Variants in WWOX observed in about 807,000 individuals in gnomAD.
WWOX encodes WW domain-containing oxidoreductase.
In WWOX, 69 loss-of-function variants were observed where a neutral mutation model predicts 46.2. The observed-to-expected ratio is 1.49, with a 90% CI of 1.23 to 1.82. The LOEUF is 1.82. Ranked by LOEUF, WWOX falls within the 40% of genes most tolerant of loss-of-function variation. The probability of loss-of-function intolerance (pLI) is 0.00; values close to 1 mark genes in which losing one functional copy is unlikely to be tolerated. For synonymous variants in WWOX, 359 were observed against 202.6 expected, an observed-to-expected ratio of 1.77 and a Z score of -6.56; for missense variants, 919 against 542.6, an observed-to-expected ratio of 1.69 and a Z score of -6.89.
chr16:79,027,279 C>CAAA (rs57848394), intron 8 of WWOX, among the ~76,000 whole-genome samples: 4,581 of 125,316 alleles, frequency 0.037, 120 homozygotes, highest in Middle Eastern at 0.078. Flanking sequence ...GACTCCATCT[C>CAAA]AAAAAAAAAA....
intron 8 of WWOX, among the ~76,000 whole-genome samples, chr16:78,839,283 G>C (rs2052074377): frequency 6.6e-6 from 1 of 151,830 alleles, no homozygotes; most frequent in African/African-American, 2.4e-5. Flanking sequence ...TCTCTCTTCT[G>C]TTCCTAGATA....
intron 8 of WWOX, among the ~76,000 whole-genome samples, chr16:79,142,769 GT>G (rs1400308144): frequency 1.3e-5 from 2 of 152,176 alleles, no homozygotes; most frequent in Non-Finnish European, 2.9e-5. Context: ...CACCATTATG[GT>G]TTACTGCAGC....
At chr16:78,201,471 A>C (rs2036227544) in intron 5 of WWOX, among the ~76,000 whole-genome samples, 1 of 152,196 alleles carries the variant, frequency 6.6e-6, no homozygotes, top group African/African-American at 2.4e-5. Context: ...GGCAAAACCA[A>C]ATAAATGAGT....
At chr16:78,470,553 A>G (rs548231062) in intron 8 of WWOX, among the ~76,000 whole-genome samples, 2 of 152,230 alleles carry the variant, frequency 1.3e-5, no homozygotes, top group East Asian at 1.9e-4. Context: ...TGTTTGAGAC[A>G]GAATCTTGCT....
intron 8 of WWOX, among the ~76,000 whole-genome samples, chr16:78,696,965 C>T (rs2048113428): frequency 1.3e-5 from 2 of 151,994 alleles, no homozygotes; most frequent in Admixed American, 1.3e-4. Context: ...GTCTCCAGTC[C>T]CATCCAGGTT....
intron 5 of WWOX, among the ~76,000 whole-genome samples, chr16:78,276,574 A>T (rs2079582970): frequency 6.6e-6 from 1 of 152,356 alleles, no homozygotes; most frequent in East Asian, 1.9e-4. Context: ...TAGGTTGGTT[A>T]TGAATTATGA....
intron 5 of WWOX, among the ~76,000 whole-genome samples, chr16:78,355,188 C>G (rs1448196334): frequency 6.6e-6 from 1 of 152,022 alleles, no homozygotes; most frequent in Non-Finnish European, 1.5e-5. Context: ...GCCAGTCACT[C>G]TATAGTAACT....
intron 8 of WWOX, among the ~76,000 whole-genome samples, chr16:79,181,119 A>G (rs1405284794): frequency 6.6e-6 from 1 of 152,220 alleles, no homozygotes; most frequent in Non-Finnish European, 1.5e-5. Flanking sequence ...CTAAGTGGCA[A>G]TTTTGGACCT....
At chr16:78,765,664 G>T (rs773183474) in intron 8 of WWOX, among the ~76,000 whole-genome samples, 1 of 152,090 alleles carries the variant, frequency 6.6e-6, no homozygotes, top group Non-Finnish European at 1.5e-5. Flanking sequence ...GGGAAACAGA[G>T]TGAGACTCTG....
intron 8 of WWOX, among the ~76,000 whole-genome samples, chr16:79,200,885 G>C (rs896149012): frequency 5.1e-4 from 77 of 152,254 alleles, no homozygotes; most frequent in African/African-American, 1.8e-3. Flanking sequence ...GGAGGTGCAG[G>C]CTTCATCTAT....
intron 6 of WWOX, among the ~76,000 whole-genome samples, chr16:78,422,684 T>TATATATATATATATACAC (rs1263877025): frequency 3.8e-5 from 2 of 52,970 alleles, no homozygotes; most frequent in Admixed American, 2.1e-4. Context: ...TATATATATA[T>TATATATATATATATACAC]ACACACACAC....
intron 8 of WWOX, among the ~76,000 whole-genome samples, chr16:78,995,617 C>G (rs764768234): frequency 5.9e-5 from 9 of 151,724 alleles, no homozygotes; most frequent in Non-Finnish European, 1.2e-4. Flanking sequence ...ACTGCAAAAC[C>G]GCAAACTGGC....
At chr16:78,825,857 G>T in intron 8 of WWOX, 3 of 641,906 alleles carry the variant, frequency 4.7e-6, no homozygotes, top group Non-Finnish European at 5.7e-6. Flanking sequence ...CTGGGACCCC[G>T]CTGGTAAGAC....
At chr16:78,706,702 G>A (rs529142717) in intron 8 of WWOX, among the ~76,000 whole-genome samples, 13 of 152,160 alleles carry the variant, frequency 8.5e-5, no homozygotes, top group Non-Finnish European at 1.8e-4. Context: ...GATCCTTGCA[G>A]TTTCCCTTTT....
intron 8 of WWOX, among the ~76,000 whole-genome samples, chr16:79,090,716 C>T (rs771985926): frequency 2.0e-5 from 3 of 152,124 alleles, no homozygotes; most frequent in Non-Finnish European, 2.9e-5. Context: ...GGCACATGCT[C>T]GGCGGGGCCC....
At chr16:78,395,638 T>G (rs1043026347) in intron 6 of WWOX, among the ~76,000 whole-genome samples, 1 of 152,182 alleles carries the variant, frequency 6.6e-6, no homozygotes, top group African/African-American at 2.4e-5. Context: ...AGCTTCACAT[T>G]GCCTGCAAGC....
chr16:78,453,969 A>T (rs1483341566), intron 8 of WWOX, among the ~76,000 whole-genome samples: 1 of 152,052 alleles, frequency 6.6e-6, no homozygotes, highest in African/African-American at 2.4e-5. Context: ...GCAGATCTGG[A>T]TTTCACCACA....
chr16:78,877,822 C>G (rs146374661), intron 8 of WWOX, among the ~76,000 whole-genome samples: 3 of 152,278 alleles, frequency 2.0e-5, no homozygotes, highest in Non-Finnish European at 2.9e-5. Flanking sequence ...CCAACTCACT[C>G]TACCACACAG....
intron 8 of WWOX, among the ~76,000 whole-genome samples, chr16:78,962,426 T>C (rs757365204): frequency 5.4e-5 from 8 of 149,462 alleles, no homozygotes; most frequent in African/African-American, 9.8e-5. Context: ...TACACATTCA[T>C]AATTTCCTTG....
Sources: allele counts gnomAD v4.1 joint callset (sites outside exome capture counted in the v4.1 genomes callset), GRCh38; gene constraint gnomAD v4.1.1; transcripts MANE v1.5; gene names NCBI Gene and HGNC (gene_info 2026-07-23, HGNC 2026-07-21).